Variants in PDSS2 observed in about 807,000 individuals in gnomAD.
The protein encoded by PDSS2 is all trans-polyprenyl-diphosphate synthase PDSS2.
Under a neutral mutation model 44.5 loss-of-function variants are expected in PDSS2, and 31 were observed. That is an observed-to-expected ratio of 0.70 (90% CI 0.52 to 0.94). The LOEUF is 0.94. PDSS2 is among the 40% of genes least tolerant of loss of function. The probability of loss-of-function intolerance (pLI) is 0.00; values close to 1 mark genes in which losing one functional copy is unlikely to be tolerated. For synonymous variants in PDSS2, 157 were observed against 180.3 expected (o/e 0.87, Z 1.03); for missense variants, 452 against 482.2 (o/e 0.94, Z 0.59).
intron 7 of PDSS2, among the ~76,000 whole-genome samples, chr6:107,163,794 G>C (rs1258128149): frequency 1.3e-5 from 2 of 152,066 alleles, no homozygotes; most frequent in South Asian, 2.1e-4. Context: ...GTAGAGACAG[G>C]GTTTCACCAC....
chr6:107,429,901 A>AAATATATATAT (rs1166637352), intron 1 of PDSS2, among the ~76,000 whole-genome samples: 2 of 31,840 alleles, frequency 6.3e-5, no homozygotes, highest in African/African-American at 1.3e-4. Flanking sequence ...AAAAAAAAAA[A>AAATATATATAT]ATATATATAT....
chr6:107,412,415 T>C (rs1375273464), intron 1 of PDSS2, among the ~76,000 whole-genome samples: 1 of 151,530 alleles, frequency 6.6e-6, no homozygotes, highest in African/African-American at 2.4e-5. Context: ...ATTTCTTATA[T>C]TTTTAGTAGA....
chr6:107,451,810 C>T lies in PDSS2; in HGVS notation c.296+7180G>A, dbSNP rs773001782. On this transcript the variant is annotated intron_variant, in intron 1 of 7. Coordinates refer to ENST00000369037, the MANE Select transcript of PDSS2 (RefSeq NM_020381.4). ...CAATCTAGCGCTGGCCCTCTGGACA[C>T]ACCTTATGAACTCTTAACTTGTCTT... Among the ~76,000 whole-genome samples the T allele has an allele frequency of 3.3e-5, 5 of 152,138 alleles. No individual in the cohort carries two copies. The South Asian group carries it at 8.3e-4, about 25-fold the overall frequency.
chr6:107,354,971 C>G (rs1778550453), intron 1 of PDSS2, among the ~76,000 whole-genome samples: 1 of 151,868 alleles, frequency 6.6e-6, no homozygotes, highest in Admixed American at 6.6e-5. Context: ...ACTCTGTCAC[C>G]AGGCTGGATG....
chr6:107,457,841 C>A (rs1435219095), intron 1 of PDSS2, among the ~76,000 whole-genome samples: 1 of 152,026 alleles, frequency 6.6e-6, no homozygotes, highest in African/African-American at 2.4e-5. Flanking sequence ...AGTATTGTAT[C>A]AATATTAAAT....
intron 3 of PDSS2, among the ~76,000 whole-genome samples, chr6:107,257,863 C>A (rs1775076929): frequency 6.6e-6 from 1 of 152,098 alleles, no homozygotes; most frequent in Admixed American, 6.6e-5. Context: ...GTGATCTGCC[C>A]ACCTCGGCCT....
At chr6:107,232,401 T>C (rs549275738) in intron 4 of PDSS2, among the ~76,000 whole-genome samples, 1 of 152,276 alleles carries the variant, frequency 6.6e-6, no homozygotes, top group South Asian at 2.1e-4. Flanking sequence ...TTAAGGCAAT[T>C]CCTTCCTCAG....
chr6:107,193,753 A>G, intron 7 of PDSS2, 69 bp downstream of exon 7: 1 of 941,520 alleles, frequency 1.1e-6, no homozygotes, highest in South Asian at 1.3e-5. Context: ...TGACCTTTCA[A>G]ATATAAACGA....
chr6:107,329,950 G>A lies in PDSS2; in HGVS notation c.431+4248C>T, dbSNP rs547354783. ...TGGGAGGCAGTGGCTTCAGTGAGCC[G>A]AGACTGCATCACTTCACTCCAGCCT... On this transcript the variant is annotated intron_variant, in intron 2 of 7. Transcript: ENST00000369037. Among the ~76,000 whole-genome samples the A allele has an allele frequency of 1.1e-4, 16 of 148,974 alleles. No individual in the cohort carries two copies. In the South Asian group the frequency reaches 3.2e-3, roughly 30 times the overall value.
intron 1 of PDSS2, among the ~76,000 whole-genome samples, chr6:107,442,990 A>C (rs1781555835): frequency 6.6e-6 from 1 of 152,224 alleles, no homozygotes; most frequent in Non-Finnish European, 1.5e-5. Flanking sequence ...TAACATATGT[A>C]ACAATTTATT....
Position 107,259,970 on chromosome 6 carries a change from A to T in PDSS2, c.630+14059T>A, listed in dbSNP as rs2430479. On this transcript the variant is annotated intron_variant, in intron 3 of 7. Transcript: ENST00000369037. Reference sequence around the variant, plus strand: ...TTTGCAATATAGTTTTGGTGTTTCCAGATTTCTGCCTGACTTTACACCCTG... The same window carrying T: ...TTTGCAATATAGTTTTGGTGTTTCCTGATTTCTGCCTGACTTTACACCCTG... 6.2e-4 allele frequency among the ~76,000 whole-genome samples: 94 copies of T among 152,212 alleles called. 1 individual carries two copies. Among genetic ancestry groups the T allele is most frequent in the African/African-American group, 2.1e-3 (89 of 41,530 alleles).
At chr6:107,438,545 A>C (rs1781424951) in intron 1 of PDSS2, among the ~76,000 whole-genome samples, 1 of 152,118 alleles carries the variant, frequency 6.6e-6, no homozygotes, top group Admixed American at 6.5e-5. Context: ...AAAATGAACA[A>C]ATAACTCCAG....
intron 2 of PDSS2, among the ~76,000 whole-genome samples, chr6:107,292,424 C>T (rs975239843): frequency 1.8e-4 from 28 of 152,104 alleles, no homozygotes; most frequent in African/African-American, 6.0e-4. Context: ...TCCCTCCATA[C>T]CTGCCAGCCA....
intron 1 of PDSS2, among the ~76,000 whole-genome samples, chr6:107,418,962 A>G (rs1219405560): frequency 6.6e-6 from 1 of 152,180 alleles, no homozygotes. Flanking sequence ...GATAAAATTT[A>G]AGTCTAGATG....
intron 2 of PDSS2, among the ~76,000 whole-genome samples, chr6:107,307,916 G>A (rs1776914635): frequency 1.3e-5 from 2 of 152,142 alleles, no homozygotes; most frequent in African/African-American, 4.8e-5. Flanking sequence ...GAGTGTATTT[G>A]TAAGTAAGCT....
intron 1 of PDSS2, among the ~76,000 whole-genome samples, chr6:107,382,037 T>G (rs1443150986): frequency 6.6e-6 from 1 of 152,224 alleles, no homozygotes; most frequent in Non-Finnish European, 1.5e-5. Flanking sequence ...CTGAAGAATT[T>G]CAATCAGTAA....
At chr6:107,385,254 C>T (rs72939896) in intron 1 of PDSS2, among the ~76,000 whole-genome samples, 10,430 of 151,966 alleles carry the variant, frequency 0.069, 428 homozygotes, top group Non-Finnish European at 0.091. Flanking sequence ...GTCCCAGGTA[C>T]TCAGAAGGCT....
intron 7 of PDSS2, among the ~76,000 whole-genome samples, chr6:107,168,753 T>C (rs1447253702): frequency 6.6e-6 from 1 of 151,946 alleles, no homozygotes; most frequent in African/African-American, 2.4e-5. Context: ...TTTGGCTGGA[T>C]ATGAAATTCT....
chr6:107,339,821 C>A (rs1280125668), intron 1 of PDSS2, among the ~76,000 whole-genome samples: 1 of 152,092 alleles, frequency 6.6e-6, no homozygotes, highest in Non-Finnish European at 1.5e-5. Context: ...AACTACACCA[C>A]CCAGGATGAA....
Sources: gnomAD v4.1 joint callset for allele counts (sites outside exome capture counted in the v4.1 genomes callset) on GRCh38, gnomAD v4.1.1 for gene constraint, MANE v1.5 for transcripts, NCBI Gene and HGNC (gene_info 2026-07-23, HGNC 2026-07-21) for gene names.